The following ADH7 variants were observed in gnomAD, a reference collection of about 807,000 sequenced individuals.
ADH7 encodes the protein all-trans-retinol dehydrogenase [NAD(+)] ADH7.
In ADH7, 41 loss-of-function variants were observed where a neutral mutation model predicts 34.4. That is an observed-to-expected ratio of 1.19 (90% CI 0.93 to 1.55). The LOEUF (loss-of-function observed/expected upper bound fraction) is 1.55, where lower values mean the gene tolerates loss of function less well. ADH7 is among the 40% of genes most tolerant of loss of function. The pLI is 0.00. For missense variants in ADH7, 540 were observed against 461.2 expected (o/e 1.17, Z -1.56); for synonymous variants, 180 against 160.9 (o/e 1.12, Z -0.90).
At chr4:99,434,980 T>A (rs1226258865) in intron 1 of ADH7, 3 of 1,413,714 alleles carry the variant, frequency 2.1e-6, no homozygotes, top group Non-Finnish European at 2.9e-6. Flanking sequence ...ATTTCTCTAT[T>A]TTCCACCAAT....
rs368475406 is a variant in ADH7, at chr4:99,427,875, T to G, written c.462A>C (p.Glu154Asp). The G allele has an allele frequency of 3.1e-6, 5 of 1,613,574 alleles. No individual in the cohort carries two copies. Among genetic ancestry groups the G allele is most frequent in the Non-Finnish European group, 4.2e-6 (5 of 1,179,830 alleles). ...CATCATCAATCTTAGCAACAGAAGA[T>G]TCATCCACCACTGTGTACTCGGTAA... The part of the protein sequence containing the change: ...STFTEYTVVD[E>D]SSVAKIDDAA... The change falls in exon 5 of 9, where the codon GAA (glutamate) becomes GAC (aspartate). Residue 154 changes from glutamate (E) to aspartate (D), a missense_variant. Transcript: ENST00000437033.
At chr4:99,426,768 T>G (rs1721816204) in intron 5 of ADH7, among the ~76,000 whole-genome samples, 1 of 152,120 alleles carries the variant, frequency 6.6e-6, no homozygotes, top group Admixed American at 6.5e-5. Flanking sequence ...AAAAGAGAAT[T>G]TTAGACCAAT....
intron 7 of ADH7, among the ~76,000 whole-genome samples, chr4:99,416,728 C>T (rs1272926343): frequency 6.6e-6 from 1 of 152,070 alleles, no homozygotes; most frequent in African/African-American, 2.4e-5. Flanking sequence ...TTTCTATACC[C>T]ATCCTAAACC....
intron 6 of ADH7, among the ~76,000 whole-genome samples, chr4:99,419,994 G>A (rs1308600904): frequency 6.6e-6 from 1 of 152,120 alleles, no homozygotes; most frequent in African/African-American, 2.4e-5. Context: ...TCTAACTGAA[G>A]GTCTGGTGCT....
Position 99,429,653 on chromosome 4 carries a change from T to G in ADH7, c.19-20A>C, listed in dbSNP as rs750151943. 1.3e-6 allele frequency: 2 copies of G among 1,569,388 alleles called. No homozygotes were observed. Among genetic ancestry groups the G allele is most frequent in the Non-Finnish European group, 1.7e-6 (2 of 1,144,988 alleles). On this transcript the variant is annotated intron_variant, in intron 1 of 8. Transcript: ENST00000437033. ...AATAACCTAAGAAATAGGCAAGTAT[T>G]ATAATGGGTCTGAATTATGCCTTTA...
At chr4:99,414,894 A>C (rs1318002769) in intron 8 of ADH7, among the ~76,000 whole-genome samples, 3 of 152,244 alleles carry the variant, frequency 2.0e-5, no homozygotes, top group African/African-American at 7.2e-5. Context: ...TAGGTAAACA[A>C]AATCCAAAAG....
chr4:99,422,439 T>C (rs1339205749), intron 5 of ADH7, among the ~76,000 whole-genome samples: 1 of 151,432 alleles, frequency 6.6e-6, no homozygotes, highest in Non-Finnish European at 1.5e-5. Context: ...CACTCATAAG[T>C]GGGAGTTGAA....
intron 2 of ADH7, among the ~76,000 whole-genome samples, chr4:99,428,905 T>C (rs1721878973): frequency 6.6e-6 from 1 of 152,192 alleles, no homozygotes; most frequent in Admixed American, 6.6e-5. Context: ...AGAATACAGA[T>C]GTTACTATGT....
chr4:99,429,459 C>T, intron 2 of ADH7, 73 bp downstream of exon 2: 9 of 1,054,326 alleles, frequency 8.5e-6, no homozygotes, highest in Non-Finnish European at 1.3e-5. Context: ...AAGAATCCAG[C>T]CTCACAACAG....
chr4:99,416,089 C>T (rs1366999719), intron 7 of ADH7, among the ~76,000 whole-genome samples: 9 of 151,760 alleles, frequency 5.9e-5, no homozygotes, highest in Admixed American at 1.3e-4. Flanking sequence ...TGTATTCCAA[C>T]GTAACGAACC....
At chr4:99,431,050 G>A (rs767026023) in intron 1 of ADH7, among the ~76,000 whole-genome samples, 2 of 152,024 alleles carry the variant, frequency 1.3e-5, no homozygotes, top group African/African-American at 2.4e-5. Context: ...TGCCCTCCTC[G>A]GCCTCCCAGA....
rs1280658055 is a variant in ADH7, at chr4:99,412,737, A to T, written c.*411T>A. The T allele has an allele frequency of 1.3e-5, 2 of 155,568 alleles. No individual in the cohort carries two copies. Among genetic ancestry groups the T allele is most frequent in the Admixed American group, 1.3e-4 (2 of 15,384 alleles). The allele number at this position is 155,568 out of a possible 1,614,324, so 9.6% of individuals were successfully genotyped here. The stretch of plus-strand genomic sequence containing the variant: ...AAAATACATTTATATTCAAATCTAA[A>T]AAATAATAGTTTCAATGTGTTAAGT... On this transcript the variant is annotated 3_prime_UTR_variant, in exon 9 of 9. Transcript: ENST00000437033.
rs920961748 is a variant in ADH7, at chr4:99,422,830, C to A, written c.565-2037G>T. Among the ~76,000 whole-genome samples the A allele has an allele frequency of 1.8e-3, 244 of 137,596 alleles. 2 individuals are homozygous for A. The highest frequency in any genetic ancestry group is 6.6e-3 in the African/African-American group (238 of 35,860). The allele number at this position is 137,596 out of a possible 152,430, so 90.3% of individuals were successfully genotyped here. A position where few individuals can be genotyped will look rare whatever the true frequency, so the allele number is the denominator to read the frequency against. Reference sequence around the variant, plus strand: ...TCTTTTTTTTTTCTAATAAAATAGACCTATTTTATTTTTTTTTCTAATAAA... The same window carrying A: ...TCTTTTTTTTTTCTAATAAAATAGAACTATTTTATTTTTTTTTCTAATAAA... On this transcript the variant is annotated intron_variant, in intron 5 of 8. Coordinates refer to ENST00000437033, the MANE Select transcript of ADH7 (RefSeq NM_000673.7).
intron 6 of ADH7, among the ~76,000 whole-genome samples, chr4:99,420,241 T>C (rs1308509300): frequency 6.6e-6 from 1 of 152,174 alleles, no homozygotes; most frequent in African/African-American, 2.4e-5. Flanking sequence ...AATCTACATA[T>C]ACAAGGAAGA....
At position 99,414,971 on chromosome 4, in the gene ADH7, C is replaced by T. The variant is rs183264607; in HGVS notation, c.1100+507G>A. Among the ~76,000 whole-genome samples, 1,056 of 152,208 alleles carry T rather than the reference C, an allele frequency of 6.9e-3. 16 individuals are homozygous for T. The highest frequency in any genetic ancestry group is 0.023 in the African/African-American group (960 of 41,538). On this transcript the variant is annotated intron_variant, in intron 8 of 8. Transcript: ENST00000437033. ...TTGGTGATATGGTTAGACTTTGTGT[C>T]CCCACCCAAATCTCATCTTGAATTA...
chr4:99,427,505 G>T (rs984168591), intron 5 of ADH7, among the ~76,000 whole-genome samples: 1 of 152,004 alleles, frequency 6.6e-6, no homozygotes, highest in East Asian at 1.9e-4. Flanking sequence ...TAACATATGG[G>T]GAAGGGGTAT....
intron 1 of ADH7, among the ~76,000 whole-genome samples, chr4:99,433,550 A>AC (rs2110142213): frequency 6.6e-6 from 1 of 152,200 alleles, no homozygotes; most frequent in African/African-American, 2.4e-5. Flanking sequence ...TGAAGTCCTA[A>AC]CCCCCCGTAC....
At chr4:99,416,712 C>G (rs1476279255) in intron 7 of ADH7, among the ~76,000 whole-genome samples, 1 of 152,096 alleles carries the variant, frequency 6.6e-6, no homozygotes, top group African/African-American at 2.4e-5. Flanking sequence ...TCTTAAAATA[C>G]TTAGGTTTCT....
intron 7 of ADH7, among the ~76,000 whole-genome samples, chr4:99,416,780 A>G (rs1326798149): frequency 6.6e-6 from 1 of 152,104 alleles, no homozygotes; most frequent in East Asian, 1.9e-4. Flanking sequence ...CCTACATTTT[A>G]TAGACATCTT....
Sources: allele counts gnomAD v4.1 joint callset (sites outside exome capture counted in the v4.1 genomes callset), GRCh38; gene constraint gnomAD v4.1.1; transcripts MANE v1.5; gene names NCBI Gene and HGNC (gene_info 2026-07-23, HGNC 2026-07-21).